The following ARHGAP17 variants were observed in gnomAD, a reference collection of about 807,000 sequenced individuals.
ARHGAP17 encodes Rho GTPase activating protein 17, also known as rho GTPase-activating protein 17.
A neutral mutation model predicts 99.5 loss-of-function variants in ARHGAP17; 57 were observed. The ratio of observed to expected loss-of-function variants is 0.57; its 90% CI spans 0.46 to 0.71. The LOEUF (loss-of-function observed/expected upper bound fraction) is 0.71. Ranked by LOEUF, ARHGAP17 falls within the 30% of genes least tolerant of loss-of-function variation. ARHGAP17 has a pLI of 0.00. For synonymous variants in ARHGAP17, 417 were observed against 429.6 expected, an observed-to-expected ratio of 0.97 and a Z score of 0.36; for missense variants, 1,000 against 1,122.4, an observed-to-expected ratio of 0.89 and a Z score of 1.56.
At chr16:24,973,676 G>C (rs1392022518) in intron 3 of ARHGAP17, among the ~76,000 whole-genome samples, 2 of 152,020 alleles carry the variant, frequency 1.3e-5, no homozygotes, top group Non-Finnish European at 1.5e-5. Context: ...ACCCATTCTG[G>C]GCCCCCCATA....
intron 19 of ARHGAP17, among the ~76,000 whole-genome samples, chr16:24,924,003 A>T (rs73555417): frequency 0.081 from 12,365 of 152,196 alleles, 1,617 homozygotes; most frequent in African/African-American, 0.28. Flanking sequence ...CTCACCCTTC[A>T]AGAAGTCCAA....
At chr16:25,009,522 AAG>A (rs2053590462) in intron 1 of ARHGAP17, among the ~76,000 whole-genome samples, 1 of 152,184 alleles carries the variant, frequency 6.6e-6, no homozygotes, top group African/African-American at 2.4e-5. Flanking sequence ...TGACTCAGGG[AAG>A]AGAGATGAGA....
chr16:24,994,685 G>A (rs1288395618), intron 1 of ARHGAP17, among the ~76,000 whole-genome samples: 3 of 152,116 alleles, frequency 2.0e-5, no homozygotes, highest in Non-Finnish European at 4.4e-5. Context: ...TATTACCCCC[G>A]TGTTACAGAG....
At chr16:24,923,249 A>G (rs1041155374) in intron 19 of ARHGAP17, among the ~76,000 whole-genome samples, 11 of 152,166 alleles carry the variant, frequency 7.2e-5, no homozygotes, top group African/African-American at 2.7e-4. Context: ...GAGGGCCTTC[A>G]AAGACATTAT....
chr16:25,007,758 T>C (rs543728836), intron 1 of ARHGAP17, among the ~76,000 whole-genome samples: 13 of 152,316 alleles, frequency 8.5e-5, no homozygotes, highest in African/African-American at 3.1e-4. Flanking sequence ...GATGTTTTCT[T>C]TGGCCAACAG....
At chr16:24,958,123 A>G (rs1232582449) in intron 9 of ARHGAP17, among the ~76,000 whole-genome samples, 4 of 152,292 alleles carry the variant, frequency 2.6e-5, no homozygotes, top group Non-Finnish European at 5.9e-5. Context: ...TTCCTGTCCC[A>G]TCCCCGCTCT....
intron 7 of ARHGAP17, among the ~76,000 whole-genome samples, chr16:24,961,756 A>G (rs2052009140): frequency 6.7e-6 from 1 of 149,264 alleles, no homozygotes; most frequent in Admixed American, 6.7e-5. Flanking sequence ...CTGGTTTTGA[A>G]CTCCTGACCT....
At chr16:24,987,603 T>C (rs916935285) in intron 1 of ARHGAP17, among the ~76,000 whole-genome samples, 9 of 152,114 alleles carry the variant, frequency 5.9e-5, no homozygotes, top group Non-Finnish European at 8.8e-5. Flanking sequence ...CTCATCTTTC[T>C]ACCACCAAGA....
intron 6 of ARHGAP17, among the ~76,000 whole-genome samples, chr16:24,967,952 G>A (rs946914369): frequency 2.0e-5 from 3 of 152,160 alleles, no homozygotes; most frequent in African/African-American, 7.2e-5. Flanking sequence ...CCTGCCATGT[G>A]AGTGCCTCCT....
At chr16:24,969,201 G>A (rs2052286086) in intron 4 of ARHGAP17, among the ~76,000 whole-genome samples, 2 of 152,162 alleles carry the variant, frequency 1.3e-5, no homozygotes, top group Non-Finnish European at 2.9e-5. Context: ...TAACACTTAA[G>A]GGCCCTGTTA....
At chr16:24,958,119 T>C (rs12446105) in intron 9 of ARHGAP17, among the ~76,000 whole-genome samples, 74,996 of 151,974 alleles carry the variant, frequency 0.49, 19,922 homozygotes, top group African/African-American at 0.7. Flanking sequence ...CTCTTTCCTG[T>C]CCCATCCCCG....
At chr16:24,983,007 T>A (rs1210660616) in intron 1 of ARHGAP17, among the ~76,000 whole-genome samples, 2,803 of 86,596 alleles carry the variant, frequency 0.032, 8 homozygotes, top group Non-Finnish European at 0.047. Context: ...TTTTTTTTTT[T>A]TTTTTTTTTT....
rs1043763818 is a variant in ARHGAP17, at chr16:24,988,201, G to A, written c.54-9196C>T. ...GCTGTCGTCTTAGATTTCTGGGAAG[G>A]AATCTAAAATCTACTTAATTGGATT... On this transcript the variant is annotated intron_variant, in intron 1 of 19. Transcript: ENST00000289968. 5.4e-5 allele frequency among the ~76,000 whole-genome samples: 8 copies of A among 147,258 alleles called. No individual in the cohort carries two copies. The South Asian group carries it at 7.4e-4, about 14-fold the overall frequency.
At chr16:25,007,970 C>T (rs920311235) in intron 1 of ARHGAP17, among the ~76,000 whole-genome samples, 1 of 152,184 alleles carries the variant, frequency 6.6e-6, no homozygotes, top group African/African-American at 2.4e-5. Flanking sequence ...CCCCACATTC[C>T]CTACTGTCCT....
In ARHGAP17 at chr16:24,938,342, C is replaced by T. The variant is rs190929922; in HGVS notation, c.1724+1022G>A. Reference sequence around the variant, plus strand: ...TTGCACCACTGCACTCCAGCCTAGGCGACAGAGTGGGACTGTCTCAAAAAA... The same window carrying T: ...TTGCACCACTGCACTCCAGCCTAGGTGACAGAGTGGGACTGTCTCAAAAAA... On this transcript the variant is annotated intron_variant, in intron 17 of 19. Transcript: ENST00000289968. Among the ~76,000 whole-genome samples the T allele has an allele frequency of 5.9e-5, 9 of 151,656 alleles. No homozygotes were observed. The East Asian group carries it at 7.8e-4, about 13-fold the overall frequency.
chr16:24,997,520 T>G (rs2053230520), intron 1 of ARHGAP17, among the ~76,000 whole-genome samples: 1 of 152,118 alleles, frequency 6.6e-6, no homozygotes, highest in South Asian at 2.1e-4. Flanking sequence ...GTGGAATATG[T>G]GAGGGAAAGA....
chr16:24,989,314 G>A (rs929786383), intron 1 of ARHGAP17, among the ~76,000 whole-genome samples: 1 of 152,186 alleles, frequency 6.6e-6, no homozygotes, highest in Admixed American at 6.5e-5. Context: ...GGTTGTAAAT[G>A]TTAAGTTCTC....
intron 3 of ARHGAP17, among the ~76,000 whole-genome samples, chr16:24,976,521 C>A (rs1468881053): frequency 6.6e-6 from 1 of 151,118 alleles, no homozygotes; most frequent in Non-Finnish European, 1.5e-5. Flanking sequence ...GGAGTGAGAC[C>A]CTGTCAGGAA....
At chr16:24,947,887 C>A (rs192534399) in intron 13 of ARHGAP17, among the ~76,000 whole-genome samples, 2 of 152,150 alleles carry the variant, frequency 1.3e-5, no homozygotes, top group African/African-American at 4.8e-5. Context: ...ATCTATTCTA[C>A]CCCTATTATA....
Sources: gnomAD v4.1 joint callset for allele counts (sites outside exome capture counted in the v4.1 genomes callset) on GRCh38, gnomAD v4.1.1 for gene constraint, MANE v1.5 for transcripts, NCBI Gene and HGNC (gene_info 2026-07-23, HGNC 2026-07-21) for gene names.